SYT1: variants seen among roughly 807,000 people sequenced by gnomAD.
SYT1 encodes synaptotagmin 1, also known as synaptotagmin-1.
In SYT1, 8 loss-of-function variants were observed where a neutral mutation model predicts 44.8. That is an observed-to-expected ratio of 0.18 (90% CI 0.10 to 0.32). The LOEUF is 0.32. Ranked by LOEUF, SYT1 falls within the 10% of genes least tolerant of loss-of-function variation. The pLI, the probability that SYT1 is intolerant of heterozygous loss-of-function variation, is 1.00. For synonymous variants in SYT1, 154 were observed against 188.8 expected (o/e 0.82, Z 1.51); for missense variants, 286 against 509.3 (o/e 0.56, Z 4.22).
chr12:78,930,500 G>A (rs1877573233), intron 1 of SYT1, among the ~76,000 whole-genome samples: 1 of 151,938 alleles, frequency 6.6e-6, no homozygotes, highest in Non-Finnish European at 1.5e-5. Context: ...AAAAATAGAT[G>A]GAGTTAATGA....
intron 2 of SYT1, among the ~76,000 whole-genome samples, chr12:79,024,654 C>T (rs1195078228): frequency 1.3e-5 from 2 of 151,634 alleles, no homozygotes; most frequent in African/African-American, 4.8e-5. Flanking sequence ...TGGGCAAGAC[C>T]CCTGCTCTCC....
At chr12:79,092,398 C>T (rs1339222968) in intron 3 of SYT1, among the ~76,000 whole-genome samples, 1 of 151,426 alleles carries the variant, frequency 6.6e-6, no homozygotes, top group Admixed American at 6.6e-5. Flanking sequence ...AGAATACTCA[C>T]AAATAGTCTC....
At chr12:78,876,864 A>AT (rs11281357) in intron 1 of SYT1, among the ~76,000 whole-genome samples, 2,876 of 75,620 alleles carry the variant, frequency 0.038, 443 homozygotes, top group African/African-American at 0.055. Context: ...TATAATATAT[A>AT]TAATATATTA....
intron 1 of SYT1, among the ~76,000 whole-genome samples, chr12:78,974,499 C>CGG (rs1868667297): frequency 6.6e-6 from 1 of 151,880 alleles, no homozygotes; most frequent in African/African-American, 2.4e-5. Flanking sequence ...TGCAGTGGTA[C>CGG]GATCTCAGCT....
chr12:79,132,026 G>A (rs113356917), intron 3 of SYT1, among the ~76,000 whole-genome samples: 5 of 152,320 alleles, frequency 3.3e-5, no homozygotes, highest in African/African-American at 1.2e-4. Context: ...ATACCATGGA[G>A]TGTGGTTAAC....
intron 3 of SYT1, 98 bp from the exon 4 acceptor site, chr12:79,217,405 G>T: frequency 9.5e-7 from 1 of 1,050,474 alleles, no homozygotes; most frequent in Non-Finnish European, 1.3e-6. Flanking sequence ...CAGTGAGCAG[G>T]TGCCACCTCT....
chr12:79,116,312 A>G (rs1749458467), intron 3 of SYT1, among the ~76,000 whole-genome samples: 1 of 152,316 alleles, frequency 6.6e-6, no homozygotes, highest in Middle Eastern at 3.4e-3. Flanking sequence ...TAACGAAGAC[A>G]TTTAGGATTG....
At chr12:79,179,554 T>C (rs1872378061) in intron 3 of SYT1, among the ~76,000 whole-genome samples, 1 of 148,014 alleles carries the variant, frequency 6.8e-6, no homozygotes, top group Non-Finnish European at 1.5e-5. Context: ...GAGATATAGA[T>C]ATAGATTTAG....
intron 5 of SYT1, among the ~76,000 whole-genome samples, chr12:79,288,090 C>T (rs1879399959): frequency 1.3e-5 from 2 of 151,930 alleles, no homozygotes; most frequent in Middle Eastern, 3.2e-3. Flanking sequence ...CAGGGATAAA[C>T]GTTTATATAA....
chr12:79,247,316 T>G (rs891317742), intron 4 of SYT1, among the ~76,000 whole-genome samples: 21 of 152,294 alleles, frequency 1.4e-4, no homozygotes, highest in African/African-American at 5.1e-4. Context: ...TAAAAAGATA[T>G]CTGAAGTTAA....
intron 2 of SYT1, among the ~76,000 whole-genome samples, chr12:79,028,576 T>C (rs1872661598): frequency 6.6e-6 from 1 of 151,238 alleles, no homozygotes; most frequent in South Asian, 2.1e-4. Flanking sequence ...AATACATCTT[T>C]GTTGGATAAA....
intron 4 of SYT1, among the ~76,000 whole-genome samples, chr12:79,266,380 C>A (rs1399241521): frequency 6.6e-6 from 1 of 150,980 alleles, no homozygotes; most frequent in Non-Finnish European, 1.5e-5. Flanking sequence ...TGGAAGAAAT[C>A]TTTTGGGAGC....
intron 8 of SYT1, among the ~76,000 whole-genome samples, chr12:79,325,052 T>C (rs1346797165): frequency 6.6e-6 from 1 of 152,146 alleles, no homozygotes; most frequent in African/African-American, 2.4e-5. Flanking sequence ...AAATCTTTGG[T>C]AGTTGGTGAG....
At chr12:79,349,450 C>T (rs1382178480) in intron 8 of SYT1, among the ~76,000 whole-genome samples, 1 of 152,132 alleles carries the variant, frequency 6.6e-6, no homozygotes, top group Non-Finnish European at 1.5e-5. Context: ...TAGTTTCTAT[C>T]ATTCCAGACA....
At chr12:79,013,821 C>G (rs1321397357) in intron 2 of SYT1, among the ~76,000 whole-genome samples, 1 of 152,016 alleles carries the variant, frequency 6.6e-6, no homozygotes, top group Non-Finnish European at 1.5e-5. Context: ...TCATTATGTC[C>G]ATTTTGTTAG....
intron 1 of SYT1, among the ~76,000 whole-genome samples, chr12:78,905,065 C>T (rs900157804): frequency 1.9e-4 from 29 of 152,058 alleles, no homozygotes; most frequent in African/African-American, 6.5e-4. Flanking sequence ...ATTGTTCTTA[C>T]CTGAATACAT....
intron 2 of SYT1, among the ~76,000 whole-genome samples, chr12:79,019,232 G>T (rs1425900445): frequency 1.3e-5 from 2 of 151,986 alleles, no homozygotes; most frequent in African/African-American, 2.4e-5. Context: ...TGATTTCGCA[G>T]TCTATAAATA....
chr12:79,428,309 AG>A (rs1350965921), intron 9 of SYT1, among the ~76,000 whole-genome samples: 1 of 152,158 alleles, frequency 6.6e-6, no homozygotes, highest in East Asian at 1.9e-4. Context: ...ACACTCTCAA[AG>A]GGTGGAGAGT....
intron 8 of SYT1, among the ~76,000 whole-genome samples, chr12:79,307,868 G>C (rs1880490496): frequency 6.6e-6 from 1 of 152,196 alleles, no homozygotes; most frequent in South Asian, 2.1e-4. Flanking sequence ...AATGGCAGCT[G>C]CTGTGATTAC....
Sources: allele counts gnomAD v4.1 joint callset (sites outside exome capture counted in the v4.1 genomes callset), GRCh38; gene constraint gnomAD v4.1.1; transcripts MANE v1.5; gene names NCBI Gene and HGNC (gene_info 2026-07-23, HGNC 2026-07-21).